DOCK2: variants seen among roughly 807,000 people sequenced by gnomAD.
DOCK2 encodes the protein dedicator of cytokinesis 2.
A neutral mutation model predicts 248.9 loss-of-function variants in DOCK2; 87 were observed. The observed-to-expected ratio is 0.35, with a 90% CI of 0.29 to 0.42. The LOEUF (loss-of-function observed/expected upper bound fraction) is 0.42. Among genes scored for constraint, DOCK2 ranks in the 10% least tolerant of loss-of-function variants. DOCK2 has a pLI of 1.00. For synonymous variants in DOCK2, 805 were observed against 821.6 expected, an observed-to-expected ratio of 0.98 and a Z score of 0.35; for missense variants, 1,747 against 2,300.2, an observed-to-expected ratio of 0.76 and a Z score of 4.92.
intron 27 of DOCK2, 65 bp from the exon 28 acceptor site, chr5:169,983,003 C>T: frequency 1.3e-6 from 2 of 1,522,074 alleles, no homozygotes; most frequent in Non-Finnish European, 9.1e-7. Context: ...GAGACATTTT[C>T]TCACAGGGAA....
chr5:169,798,377 T>G (rs991721919), intron 25 of DOCK2, among the ~76,000 whole-genome samples: 2 of 152,222 alleles, frequency 1.3e-5, no homozygotes, highest in Non-Finnish European at 2.9e-5. Context: ...CTGCCAGACT[T>G]TCCCGTGAAA....
At chr5:169,726,482 T>C (rs1217046790) in intron 22 of DOCK2, among the ~76,000 whole-genome samples, 2 of 152,254 alleles carry the variant, frequency 1.3e-5, no homozygotes, top group Non-Finnish European at 2.9e-5. Flanking sequence ...TGGTAGTTTC[T>C]TTTGCTGTGC....
At chr5:170,056,829 A>G in intron 43 of DOCK2, 61 bp downstream of exon 43, 1 of 1,480,028 alleles carries the variant, frequency 6.8e-7, no homozygotes, top group East Asian at 2.3e-5. Context: ...CAGAGCATGC[A>G]TCGGCCAGCC....
chr5:169,906,131 T>C (rs760106814), intron 27 of DOCK2, among the ~76,000 whole-genome samples: 2 of 152,214 alleles, frequency 1.3e-5, no homozygotes, highest in African/African-American at 2.4e-5. Flanking sequence ...CTTCTTTACA[T>C]TCATTCGTGC....
chr5:169,717,532 C>A, intron 21 of DOCK2, 48 bp downstream of exon 21: 4 of 1,559,040 alleles, frequency 2.6e-6, no homozygotes, highest in Non-Finnish European at 3.5e-6. Context: ...CCCTCTTGCC[C>A]TGCCAGGATG....
intron 32 of DOCK2, among the ~76,000 whole-genome samples, chr5:170,018,088 C>T (rs896974624): frequency 3.3e-5 from 5 of 152,082 alleles, no homozygotes; most frequent in African/African-American, 7.2e-5. Flanking sequence ...GTTAATCAAA[C>T]GATTCGACAT....
chr5:169,930,815 T>A (rs1360872329), intron 27 of DOCK2, among the ~76,000 whole-genome samples: 2 of 152,232 alleles, frequency 1.3e-5, no homozygotes, highest in Non-Finnish European at 2.9e-5. Context: ...TGGTTTCTTT[T>A]CTTATGCTTT....
chr5:169,830,231 T>A (rs1769131978), intron 26 of DOCK2, among the ~76,000 whole-genome samples: 1 of 152,236 alleles, frequency 6.6e-6, no homozygotes, highest in Non-Finnish European at 1.5e-5. Context: ...GTAGCAGATC[T>A]ATAAGGTTAT....
chr5:170,029,184 A>G (rs146541763), intron 34 of DOCK2, among the ~76,000 whole-genome samples: 10 of 152,312 alleles, frequency 6.6e-5, no homozygotes, highest in African/African-American at 2.4e-4. Context: ...CTCCATATAT[A>G]TTTCTACCAG....
At chr5:169,832,001 C>T (rs1204720471) in intron 26 of DOCK2, among the ~76,000 whole-genome samples, 1 of 152,132 alleles carries the variant, frequency 6.6e-6, no homozygotes, top group African/African-American at 2.4e-5. Flanking sequence ...AGCACCATTC[C>T]GTTGTGCCAT....
At chr5:169,802,538 T>G (rs957911783) in intron 25 of DOCK2, among the ~76,000 whole-genome samples, 1 of 152,110 alleles carries the variant, frequency 6.6e-6, no homozygotes, top group Non-Finnish European at 1.5e-5. Context: ...AGTTGGTCCC[T>G]AAATGTGATA....
At chr5:169,967,581 T>C (rs1777349935) in intron 27 of DOCK2, among the ~76,000 whole-genome samples, 1 of 151,990 alleles carries the variant, frequency 6.6e-6, no homozygotes, top group Non-Finnish European at 1.5e-5. Context: ...GCTAAGAGGT[T>C]TGGATTTTGA....
chr5:170,001,143 C>A (rs932520595), intron 30 of DOCK2, among the ~76,000 whole-genome samples: 3 of 152,284 alleles, frequency 2.0e-5, no homozygotes, highest in African/African-American at 7.2e-5. Flanking sequence ...ACACCTGGGA[C>A]CTTCCACTCC....
chr5:169,791,245 T>C (rs188215987), intron 25 of DOCK2, among the ~76,000 whole-genome samples: 23 of 152,352 alleles, frequency 1.5e-4, no homozygotes, highest in African/African-American at 5.3e-4. Context: ...AGGCTCTCAC[T>C]GTCTGATGAG....
intron 1 of DOCK2, among the ~76,000 whole-genome samples, chr5:169,640,349 G>A (rs1373029338): frequency 6.6e-6 from 1 of 152,204 alleles, no homozygotes; most frequent in Non-Finnish European, 1.5e-5. Context: ...CCCTGAAGCT[G>A]AGCCTGCCAG....
chr5:170,025,549 C>A (rs1160993257), intron 33 of DOCK2, among the ~76,000 whole-genome samples: 1 of 152,226 alleles, frequency 6.6e-6, no homozygotes, highest in African/African-American at 2.4e-5. Flanking sequence ...AGCCGCACAG[C>A]AGACTCATTG....
intron 27 of DOCK2, among the ~76,000 whole-genome samples, chr5:169,939,988 T>G (rs1233029835): frequency 1.3e-5 from 2 of 152,112 alleles, no homozygotes; most frequent in African/African-American, 4.8e-5. Flanking sequence ...AGAGGCAGAG[T>G]CATCTTTCAG....
intron 25 of DOCK2, among the ~76,000 whole-genome samples, chr5:169,787,058 G>A (rs781148843): frequency 1.2e-4 from 19 of 152,144 alleles, no homozygotes; most frequent in Non-Finnish European, 2.5e-4. Flanking sequence ...CAAGAGAGGT[G>A]CTGTTATTAT....
At chr5:169,750,960 A>C (rs1317952049) in intron 23 of DOCK2, among the ~76,000 whole-genome samples, 4 of 152,182 alleles carry the variant, frequency 2.6e-5, no homozygotes, top group Non-Finnish European at 5.9e-5. Context: ...TTGGCTTTTG[A>C]CCAGAGAGAT....
Sources: allele counts gnomAD v4.1 joint callset (sites outside exome capture counted in the v4.1 genomes callset), GRCh38; gene constraint gnomAD v4.1.1; transcripts MANE v1.5; gene names NCBI Gene and HGNC (gene_info 2026-07-23, HGNC 2026-07-21).